Variants in NDUFAF6 observed in about 807,000 individuals in gnomAD.
NDUFAF6 encodes NADH dehydrogenase (ubiquinone) complex I, assembly factor 6.
In NDUFAF6, 45 loss-of-function variants were observed where a neutral mutation model predicts 40.8. The ratio of observed to expected loss-of-function variants is 1.10; its 90% CI spans 0.87 to 1.42. The LOEUF (loss-of-function observed/expected upper bound fraction) is 1.42. Among genes scored for constraint, NDUFAF6 ranks in the 40% most tolerant of loss-of-function variants. The pLI is 0.00. For synonymous variants in NDUFAF6, 185 were observed against 155.9 expected (o/e 1.19, Z -1.39); for missense variants, 435 against 418.5 (o/e 1.04, Z -0.34).
intron 2 of NDUFAF6, among the ~76,000 whole-genome samples, chr8:95,001,713 G>A (rs1341268170): frequency 6.6e-6 from 1 of 152,182 alleles, no homozygotes; most frequent in Non-Finnish European, 1.5e-5. Context: ...GTCCAGGGCT[G>A]GGCTCTTAAA....
intron 2 of NDUFAF6, among the ~76,000 whole-genome samples, chr8:94,997,599 T>A (rs1390694329): frequency 6.6e-6 from 1 of 152,182 alleles, no homozygotes; most frequent in African/African-American, 2.4e-5. Context: ...AATAGCTGGC[T>A]CTCAATTAGC....
chr8:95,028,501 T>G (rs1828442458), intron 1 of NDUFAF6, among the ~76,000 whole-genome samples: 1 of 152,132 alleles, frequency 6.6e-6, no homozygotes, highest in Non-Finnish European at 1.5e-5. Flanking sequence ...TTTAGAAAAA[T>G]TTCCATCCAA....
chr8:94,949,141 C>T (rs999448519), intron 2 of NDUFAF6: 6 of 149,328 alleles, frequency 4.0e-5, no homozygotes, highest in South Asian at 4.2e-4. Flanking sequence ...GCCCGCCCCC[C>T]CCCGGCACTT....
At chr8:94,931,613 A>ATAT (rs1563721230) in intron 1 of NDUFAF6, among the ~76,000 whole-genome samples, 3 of 46,030 alleles carry the variant, frequency 6.5e-5, no homozygotes, top group Admixed American at 2.1e-4. Context: ...CACACACATA[A>ATAT]AATTTTTTTA....
At chr8:94,979,410 G>A (rs80351861) in intron 1 of NDUFAF6, among the ~76,000 whole-genome samples, 3,326 of 152,106 alleles carry the variant, frequency 0.022, 116 homozygotes, top group African/African-American at 0.077. Context: ...GTCCTTCCTT[G>A]TTTTCAAAAG....
chr8:94,970,618 A>C (rs898776399), intron 1 of NDUFAF6, among the ~76,000 whole-genome samples: 3 of 152,172 alleles, frequency 2.0e-5, no homozygotes, highest in African/African-American at 4.8e-5. Flanking sequence ...GAAAATAATC[A>C]AAATGCTGAA....
intron 1 of NDUFAF6, chr8:94,927,910 A>G (rs1820040364): frequency 2.0e-5 from 1 of 50,442 alleles, no homozygotes; most frequent in South Asian, 9.5e-4. Flanking sequence ...TATTTACAAT[A>G]GCAAAAAAAA....
chr8:94,913,940 C>T (rs1312488616), intron 1 of NDUFAF6, among the ~76,000 whole-genome samples: 2 of 152,092 alleles, frequency 1.3e-5, no homozygotes, highest in Non-Finnish European at 2.9e-5. Flanking sequence ...TACAGGCATG[C>T]ACCACCACGC....
At chr8:94,965,065 G>A (rs1043179605) in intron 1 of NDUFAF6, among the ~76,000 whole-genome samples, 2 of 152,172 alleles carry the variant, frequency 1.3e-5, no homozygotes, top group Admixed American at 1.3e-4. Context: ...TAGGGCTTGG[G>A]AAATATGAGC....
At chr8:94,991,588 C>T (rs1326205278) in intron 2 of NDUFAF6, among the ~76,000 whole-genome samples, 1 of 152,142 alleles carries the variant, frequency 6.6e-6, no homozygotes, top group Admixed American at 6.5e-5. Flanking sequence ...CCATACCTGT[C>T]CCTATCTACT....
chr8:95,114,548 A>G (rs910639376), intron 4 of NDUFAF6, among the ~76,000 whole-genome samples: 1 of 152,180 alleles, frequency 6.6e-6, no homozygotes, highest in Non-Finnish European at 1.5e-5. Context: ...ATTCTATTCC[A>G]TTAGTTAGTT....
chr8:95,096,768 A>G (rs2132071429), upstream of NDUFAF6, among the ~76,000 whole-genome samples: 1 of 152,316 alleles, frequency 6.6e-6, no homozygotes, highest in East Asian at 1.9e-4. Flanking sequence ...CCCTTAGTCC[A>G]CACTGACTTT....
In NDUFAF6 at chr8:94,940,124, G is replaced by A. The variant is rs779919334; in HGVS notation, c.-935-5359G>A. The A allele has an allele frequency of 1.3e-4, 204 of 1,614,000 alleles. No individual in the cohort carries two copies. Among genetic ancestry groups the A allele is most frequent in the African/African-American group, 2.3e-4 (17 of 74,904 alleles). ...ATCAGCCAAGCACTCAAGAGATGCC[G>A]GTAAACAGGAAAAGACTGAAGGGTG... is the stretch of plus-strand genomic sequence containing the variant. On this transcript the variant is annotated intron_variant, in intron 1 of 14. Transcript: ENST00000396113.
intron 2 of NDUFAF6, 76 bp from the exon 3 acceptor site, chr8:95,035,378 A>G (rs759405653): frequency 1.0e-4 from 154 of 1,537,326 alleles, no homozygotes; most frequent in Non-Finnish European, 1.3e-4. Flanking sequence ...CATTAACTCA[A>G]AAAATTCCCT....
At chr8:94,953,454 G>A (rs1003940336), upstream of NDUFAF6, among the ~76,000 whole-genome samples, 1 of 152,138 alleles carries the variant, frequency 6.6e-6, no homozygotes, top group East Asian at 1.9e-4. Context: ...CACCACCCTA[G>A]CTCCAAGGAG....
chr8:95,051,634 A>G (rs1831443477), intron 7 of NDUFAF6, among the ~76,000 whole-genome samples: 1 of 152,134 alleles, frequency 6.6e-6, no homozygotes, highest in Admixed American at 6.5e-5. Context: ...GGTTGGATGG[A>G]CGAGGTTAGA....
intron 1 of NDUFAF6, among the ~76,000 whole-genome samples, chr8:94,906,096 T>C (rs1412334612): frequency 6.6e-6 from 1 of 152,188 alleles, no homozygotes; most frequent in Admixed American, 6.5e-5. Flanking sequence ...CACCTAGTCA[T>C]CATGTTTATG....
At chr8:94,935,777 A>G (rs1820921680) in intron 1 of NDUFAF6, among the ~76,000 whole-genome samples, 5 of 152,190 alleles carry the variant, frequency 3.3e-5, no homozygotes, top group Non-Finnish European at 7.3e-5. Flanking sequence ...AGAATTATGA[A>G]AGTTAGGATG....
chr8:95,055,047 T>G (rs1831950691), intron 8 of NDUFAF6, among the ~76,000 whole-genome samples: 1 of 152,202 alleles, frequency 6.6e-6, no homozygotes, highest in Non-Finnish European at 1.5e-5. Context: ...CAGCCAGACT[T>G]TCCTTTGAAC....
Sources: gnomAD v4.1 joint callset for allele counts (sites outside exome capture counted in the v4.1 genomes callset) on GRCh38, gnomAD v4.1.1 for gene constraint, MANE v1.5 for transcripts, NCBI Gene and HGNC (gene_info 2026-07-23, HGNC 2026-07-21) for gene names.